The following TRIM44 variants were observed in gnomAD, a reference collection of about 807,000 sequenced individuals.
TRIM44 encodes the protein tripartite motif containing 44.
A neutral mutation model predicts 37.4 loss-of-function variants in TRIM44; 13 were observed. The observed-to-expected ratio is 0.35, with a 90% CI of 0.23 to 0.55. The LOEUF is 0.55. TRIM44 is among the 20% of genes least tolerant of loss of function. The pLI, the probability that TRIM44 is intolerant of heterozygous loss-of-function variation, is 0.89. For synonymous variants in TRIM44, 175 were observed against 157.2 expected, an observed-to-expected ratio of 1.11 and a Z score of -0.85; for missense variants, 426 against 437.2, an observed-to-expected ratio of 0.97 and a Z score of 0.23.
intron 2 of TRIM44, among the ~76,000 whole-genome samples, chr11:35,703,803 A>G (rs932493605): frequency 2.0e-5 from 3 of 151,862 alleles, no homozygotes; most frequent in African/African-American, 4.8e-5. Context: ...AAAACCACAA[A>G]GATGGGAAAA....
rs529776642 is a variant in TRIM44 at position 35,759,916 on chromosome 11, G to A, written c.1007+24471G>A. ...TGTCAGTCTGCCCTTACTGGGGGCT[G>A]TCTCCCAGTTAGGCTACTCGGGGTT... On this transcript the variant is annotated intron_variant, in intron 4 of 4. Coordinates refer to ENST00000299413, the MANE Select transcript of TRIM44 (RefSeq NM_017583.6). 3.7e-4 allele frequency among the ~76,000 whole-genome samples: 57 copies of A among 152,370 alleles called. 1 individual carries two copies. In the South Asian group the frequency reaches 1.0e-2, roughly 27 times the overall value.
At chr11:35,707,858 T>C (rs1337602670) in intron 2 of TRIM44, among the ~76,000 whole-genome samples, 1 of 135,968 alleles carries the variant, frequency 7.4e-6, no homozygotes, top group Non-Finnish European at 1.6e-5. Context: ...GGGCAAGGAC[T>C]TCACGTCTAA....
chr11:35,678,751 G>A (rs1220743620), intron 1 of TRIM44, among the ~76,000 whole-genome samples: 1 of 152,020 alleles, frequency 6.6e-6, no homozygotes, highest in Admixed American at 6.6e-5. Flanking sequence ...TGGGAATACA[G>A]GCCATGCCCG....
At chr11:35,766,573 A>G (rs998075278) in intron 4 of TRIM44, among the ~76,000 whole-genome samples, 2 of 152,194 alleles carry the variant, frequency 1.3e-5, no homozygotes, top group Non-Finnish European at 2.9e-5. Flanking sequence ...AACAAATTCT[A>G]CTTCTTCCAT....
intron 4 of TRIM44, among the ~76,000 whole-genome samples, chr11:35,746,994 G>A (rs748069378): frequency 4.6e-5 from 7 of 152,138 alleles, no homozygotes; most frequent in Non-Finnish European, 1.0e-4. Flanking sequence ...TATTTAGAGG[G>A]AAGTGAGATT....
At chr11:35,757,559 C>G (rs1852662034) in intron 4 of TRIM44, among the ~76,000 whole-genome samples, 1 of 152,082 alleles carries the variant, frequency 6.6e-6, no homozygotes, top group South Asian at 2.1e-4. Flanking sequence ...TGTGTTTGCT[C>G]TTGCTTCTCT....
rs921533035 is a variant in TRIM44 at position 35,739,967 on chromosome 11, C to T, written c.1007+4522C>T. Among the ~76,000 whole-genome samples the T allele has an allele frequency of 3.9e-5, 6 of 151,974 alleles. No individual in the cohort carries two copies. In the South Asian group the frequency reaches 6.2e-4, roughly 16 times the overall value. On this transcript the variant is annotated intron_variant, in intron 4 of 4. Coordinates refer to ENST00000299413, the MANE Select transcript of TRIM44 (RefSeq NM_017583.6). ...TACAAAAATTAGCTGGGCATGGTGGCGTGTGCCTATAATCCCAGCTACTTG... is the reference window on the plus strand; with the variant it reads ...TACAAAAATTAGCTGGGCATGGTGGTGTGTGCCTATAATCCCAGCTACTTG...
chr11:35,772,374 C>G (rs59047944), intron 4 of TRIM44, among the ~76,000 whole-genome samples: 2,943 of 152,272 alleles, frequency 0.019, 110 homozygotes, highest in African/African-American at 0.068. Flanking sequence ...CCACCATCCT[C>G]CAGACCCCAG....
At chr11:35,704,698 G>A (rs1173018784) in intron 2 of TRIM44, among the ~76,000 whole-genome samples, 1 of 152,180 alleles carries the variant, frequency 6.6e-6, no homozygotes, top group Non-Finnish European at 1.5e-5. Context: ...ATACTTTACA[G>A]ACAAGCAAAT....
chr11:35,813,507 C>T lies in TRIM44; in HGVS notation c.*7122C>T, dbSNP rs780104794. ...TCTAACTGTAAAGGAAAGAAACAGA[C>T]TTTTAGAGGAAACAAGAAGGAAAAA... On this transcript the variant is annotated 3_prime_UTR_variant, in exon 5 of 5. Transcript: ENST00000299413. The T allele has an allele frequency of 1.3e-5, 2 of 152,022 alleles. No individual in the cohort carries two copies. Among genetic ancestry groups the T allele is most frequent in the Non-Finnish European group, 2.9e-5 (2 of 68,012 alleles). 9.4% of individuals were successfully genotyped at this position (152,022 alleles called of 1,614,324 possible).
At chr11:35,776,808 T>C (rs1414819542) in intron 4 of TRIM44, among the ~76,000 whole-genome samples, 3 of 152,260 alleles carry the variant, frequency 2.0e-5, no homozygotes, top group East Asian at 1.9e-4. Context: ...GATTGCACTG[T>C]GGTCTGAGAG....
chr11:35,689,743 C>T (rs950340346), intron 2 of TRIM44, among the ~76,000 whole-genome samples: 1 of 152,172 alleles, frequency 6.6e-6, no homozygotes, highest in Admixed American at 6.5e-5. Flanking sequence ...TTATCTTTCA[C>T]AGTTTACTCA....
intron 4 of TRIM44, among the ~76,000 whole-genome samples, chr11:35,780,699 A>G (rs780268312): frequency 9.9e-5 from 15 of 152,220 alleles, no homozygotes; most frequent in Admixed American, 2.6e-4. Context: ...ACAATTCCAC[A>G]TAGCATCTCA....
intron 4 of TRIM44, among the ~76,000 whole-genome samples, chr11:35,801,595 T>TAATGGTCACA (rs1853371456): frequency 1.3e-5 from 2 of 152,208 alleles, no homozygotes; most frequent in Non-Finnish European, 2.9e-5. Flanking sequence ...AGTGAAACAC[T>TAATGGTCACA]GTAAAATGAT....
chr11:35,675,695 T>C (rs1851452733), intron 1 of TRIM44, among the ~76,000 whole-genome samples: 1 of 152,168 alleles, frequency 6.6e-6, no homozygotes, highest in African/African-American at 2.4e-5. Context: ...CTAATTTTTG[T>C]ATTTTTAGTA....
At chr11:35,727,206 G>A (rs1191089282) in intron 3 of TRIM44, among the ~76,000 whole-genome samples, 1 of 151,910 alleles carries the variant, frequency 6.6e-6, no homozygotes, top group African/African-American at 2.4e-5. Context: ...CTAGAGAGAG[G>A]CTACTATTAA....
chr11:35,704,132 A>C (rs1042656267), intron 2 of TRIM44, among the ~76,000 whole-genome samples: 6 of 152,242 alleles, frequency 3.9e-5, no homozygotes, highest in African/African-American at 1.4e-4. Context: ...TCAGGAGCCG[A>C]TGCGATCAAC....
chr11:35,684,024 T>G (rs1851547773), intron 1 of TRIM44, among the ~76,000 whole-genome samples: 1 of 152,176 alleles, frequency 6.6e-6, no homozygotes, highest in Non-Finnish European at 1.5e-5. Context: ...ATGAAATAGA[T>G]AGTTATTGGC....
At chr11:35,708,991 C>T (rs867708608) in intron 2 of TRIM44, among the ~76,000 whole-genome samples, 2 of 149,440 alleles carry the variant, frequency 1.3e-5, no homozygotes, top group Non-Finnish European at 3.0e-5. Context: ...TGCCCCCCCC[C>T]CAAAAAAAAA....
Sources: allele counts gnomAD v4.1 joint callset (sites outside exome capture counted in the v4.1 genomes callset), GRCh38; gene constraint gnomAD v4.1.1; transcripts MANE v1.5; gene names NCBI Gene and HGNC (gene_info 2026-07-23, HGNC 2026-07-21).